Variants in MTHFD1L observed in about 807,000 individuals in gnomAD.
The protein encoded by MTHFD1L is monofunctional C1-tetrahydrofolate synthase, mitochondrial.
Under a neutral mutation model 119.5 loss-of-function variants are expected in MTHFD1L, and 81 were observed. The ratio of observed to expected loss-of-function variants is 0.68; its 90% CI spans 0.57 to 0.82. The LOEUF (loss-of-function observed/expected upper bound fraction) is 0.82. Ranked by LOEUF, MTHFD1L falls within the 40% of genes least tolerant of loss-of-function variation. The pLI, the probability that MTHFD1L is intolerant of heterozygous loss-of-function variation, is 0.00. For synonymous variants in MTHFD1L, 430 were observed against 475.2 expected (o/e 0.90, Z 1.24); for missense variants, 1,125 against 1,253.4 (o/e 0.90, Z 1.55).
chr6:151,011,150 C>T lies in MTHFD1L; in HGVS notation c.2265+1192C>T, dbSNP rs576738701. On this transcript the variant is annotated intron_variant, in intron 21 of 27. Transcript: ENST00000367321. ...CCAAATCCACTCCTAATACCCGACA[C>T]TTAAGCACTTCATTTTTGCCTAAAG... 2.1e-3 allele frequency among the ~76,000 whole-genome samples: 314 copies of T among 152,310 alleles called. 2 individuals carry two copies. Among genetic ancestry groups the T allele is most frequent in the Middle Eastern group, 6.8e-3 (2 of 294 alleles).
At chr6:150,913,306 G>T (rs183736406) in intron 8 of MTHFD1L, among the ~76,000 whole-genome samples, 5 of 149,432 alleles carry the variant, frequency 3.3e-5, no homozygotes, top group Admixed American at 1.3e-4. Flanking sequence ...GACTAAAGGC[G>T]CCCGCCACCA....
chr6:151,091,738 T>A (rs1286464286), intron 26 of MTHFD1L, among the ~76,000 whole-genome samples: 1 of 152,160 alleles, frequency 6.6e-6, no homozygotes, highest in Non-Finnish European at 1.5e-5. Flanking sequence ...TAGGGGTGGC[T>A]GTGGCGGTAT....
At chr6:151,085,365 T>C (rs1310710535) in intron 26 of MTHFD1L, among the ~76,000 whole-genome samples, 1 of 152,222 alleles carries the variant, frequency 6.6e-6, no homozygotes, top group East Asian at 1.9e-4. Flanking sequence ...TGTCACAATA[T>C]GCAAACACAG....
intron 15 of MTHFD1L, among the ~76,000 whole-genome samples, chr6:150,947,740 TTA>T (rs1251309654): frequency 1.3e-5 from 2 of 152,162 alleles, no homozygotes; most frequent in Non-Finnish European, 2.9e-5. Flanking sequence ...AGACAGCAGT[TTA>T]TGTCTCTTCT....
rs375261674 is a variant in MTHFD1L at position 150,960,259 on chromosome 6, G to A, written c.1804-16G>A. 6.2e-7 allele frequency: 1 copy of A among 1,607,438 alleles called. No individual in the cohort carries two copies. The highest frequency in any genetic ancestry group is 8.5e-7 in the Non-Finnish European group (1 of 1,176,638). On this transcript the variant is annotated splice_polypyrimidine_tract_variant and intron_variant, in intron 17 of 27. Coordinates refer to ENST00000367321, the MANE Select transcript of MTHFD1L (RefSeq NM_015440.5). ...GGCACTGTCGCTGACCACTACCTGT[G>A]TTTGGGCTGGTTCAGGCGCAGTTTG... is the stretch of plus-strand genomic sequence containing the variant.
chr6:151,093,764 GT>G (rs1794659737), intron 27 of MTHFD1L, among the ~76,000 whole-genome samples: 1 of 152,156 alleles, frequency 6.6e-6, no homozygotes, highest in African/African-American at 2.4e-5. Flanking sequence ...CAACAGGTGT[GT>G]TCGGCTCTCT....
rs57961829 is a variant in MTHFD1L at position 150,916,737 on chromosome 6, CTTTTTTTTTTTTTTTTTTTTTTTTTTTT to C, written c.893-1825_893-1798del. ...TTTTGATGGAAAATTGATTCTATCC[CTTTTTTTTTTTTTTTTTTTTTTTTTTTT>C]TTTTTTTTTTTTTTGAGGTGGAGTT... On this transcript the variant is annotated intron_variant, in intron 8 of 27. Transcript: ENST00000367321. 9.6e-4 allele frequency among the ~76,000 whole-genome samples: 69 copies of C among 72,134 alleles called. 2 individuals carry two copies. The highest frequency in any genetic ancestry group is 0.026 in the Middle Eastern group (2 of 76). The allele number at this position is 72,134 out of a possible 152,430, so 47.3% of individuals were successfully genotyped here.
chr6:151,019,840 C>CAATTG (rs1230350991), intron 24 of MTHFD1L, among the ~76,000 whole-genome samples: 3 of 152,148 alleles, frequency 2.0e-5, no homozygotes, highest in Non-Finnish European at 4.4e-5. Context: ...TTGGTGCAGT[C>CAATTG]AGTAATAGAG....
Position 151,009,879 on chromosome 6 carries a change from G to A in MTHFD1L, c.2186G>A (p.Arg729Gln), listed in dbSNP as rs570312042. Residue 729 changes from arginine to glutamine, a missense_variant, in exon 21 of 28, where the codon CGA becomes CAA. By Grantham distance (43) the Arg-to-Gln change is conservative. Around this residue, in one of 3 missense-constraint regions of MTHFD1L, gnomAD observed 1,058 missense variants for 1,151.2 expected, o/e 0.92. Coordinates refer to ENST00000367321, the MANE Select transcript of MTHFD1L (RefSeq NM_015440.5). ...GAGAAATTCTTCAACATCAAGTGCC[G>A]AGCTTCCGGCTTGGTGCCCAACGTG... is the stretch of plus-strand genomic sequence containing the variant. ...GMEKFFNIKC[R>Q]ASGLVPNVVV... 2.0e-5 allele frequency: 32 copies of A among 1,613,816 alleles called. No individual in the cohort carries two copies. Among genetic ancestry groups the A allele is most frequent in the East Asian group, 4.5e-5 (2 of 44,854 alleles).
chr6:151,029,450 CATATT>C (rs1433583775), intron 24 of MTHFD1L, among the ~76,000 whole-genome samples: 1 of 150,380 alleles, frequency 6.6e-6, no homozygotes, highest in Non-Finnish European at 1.5e-5. Flanking sequence ...TATATATATA[CATATT>C]ATATAGATAG....
intron 26 of MTHFD1L, among the ~76,000 whole-genome samples, chr6:151,090,878 G>A (rs924124509): frequency 6.7e-5 from 9 of 133,752 alleles, no homozygotes; most frequent in Admixed American, 1.5e-4. Flanking sequence ...CGCCCCATGC[G>A]ACTGGGTGCA....
At chr6:151,028,703 A>T (rs539307003) in intron 24 of MTHFD1L, among the ~76,000 whole-genome samples, 94 of 152,278 alleles carry the variant, frequency 6.2e-4, no homozygotes, top group African/African-American at 2.2e-3. Context: ...TTTGCTAAAT[A>T]CAGAGAGTTC....
intron 20 of MTHFD1L, among the ~76,000 whole-genome samples, chr6:150,979,096 G>T (rs34481393): frequency 0.086 from 13,087 of 151,722 alleles, 1,869 homozygotes; most frequent in African/African-American, 0.3. Flanking sequence ...AAAATTAGCC[G>T]AGCGTGGTTG....
At chr6:150,917,869 A>G (rs1018884096) in intron 8 of MTHFD1L, among the ~76,000 whole-genome samples, 6 of 152,294 alleles carry the variant, frequency 3.9e-5, no homozygotes, top group South Asian at 2.1e-4. Flanking sequence ...AATGTTCGCT[A>G]TGAATTCTCT....
intron 26 of MTHFD1L, among the ~76,000 whole-genome samples, chr6:151,037,689 G>A (rs887920922): frequency 1.8e-4 from 27 of 152,282 alleles, no homozygotes; most frequent in African/African-American, 5.8e-4. Context: ...TTATCTATGG[G>A]GGTAAAGGAG....
intron 2 of MTHFD1L, among the ~76,000 whole-genome samples, chr6:150,876,896 A>G (rs1048141784): frequency 6.6e-6 from 1 of 152,188 alleles, no homozygotes. Context: ...AGTTACTTAC[A>G]TTCTCTGGGA....
In MTHFD1L at chr6:150,929,108, C is replaced by T. The variant is rs564153325; in HGVS notation, c.1256+2813C>T. Among the ~76,000 whole-genome samples the T allele has an allele frequency of 2.0e-5, 3 of 152,288 alleles. No individual in the cohort carries two copies. In the South Asian group the frequency reaches 6.2e-4, roughly 32 times the overall value. On this transcript the variant is annotated intron_variant, in intron 11 of 27. Transcript: ENST00000367321. The stretch of plus-strand genomic sequence containing the variant: ...CTCCACCTGCAGGCACCCTCTGGGC[C>T]CACACCCTGCAAGGAGCTGCCTCTG...
intron 26 of MTHFD1L, among the ~76,000 whole-genome samples, chr6:151,059,175 A>G (rs1485212759): frequency 6.6e-6 from 1 of 150,860 alleles, no homozygotes; most frequent in Non-Finnish European, 1.5e-5. Context: ...CCAGGCTGCT[A>G]CAGTTCTAAA....
At chr6:150,984,718 T>C (rs1443675661) in intron 20 of MTHFD1L, among the ~76,000 whole-genome samples, 3 of 152,230 alleles carry the variant, frequency 2.0e-5, no homozygotes, top group Admixed American at 6.5e-5. Flanking sequence ...AAATGTTTTA[T>C]AAAATTAGGA....
Sources: allele counts gnomAD v4.1 joint callset (sites outside exome capture counted in the v4.1 genomes callset), GRCh38; gene constraint gnomAD v4.1.1; regional missense constraint gnomAD v4.1.1; transcripts MANE v1.5; gene names NCBI Gene and HGNC (gene_info 2026-07-23, HGNC 2026-07-21).